PRKG1: variants seen among roughly 807,000 people sequenced by gnomAD.
PRKG1 encodes protein kinase cGMP-dependent 1.
PRKG1 carries 35 observed loss-of-function variants against 88.1 expected under a neutral mutation model. The observed-to-expected ratio is 0.40, with a 90% CI of 0.30 to 0.53. The LOEUF (loss-of-function observed/expected upper bound fraction) is 0.53. Ranked by LOEUF, PRKG1 falls within the 20% of genes least tolerant of loss-of-function variation. The pLI is 0.59. For synonymous variants in PRKG1, 303 were observed against 292.5 expected, an observed-to-expected ratio of 1.04 and a Z score of -0.37; for missense variants, 540 against 839.8, an observed-to-expected ratio of 0.64 and a Z score of 4.41.
chr10:52,287,656 T>C (rs1183887141), intron 14 of PRKG1, among the ~76,000 whole-genome samples: 3 of 149,324 alleles, frequency 2.0e-5, no homozygotes, highest in Non-Finnish European at 4.4e-5. Flanking sequence ...ATCTTTGTAC[T>C]CACTGAAGCT....
intron 3 of PRKG1, among the ~76,000 whole-genome samples, chr10:51,638,435 G>A (rs909421313): frequency 6.6e-6 from 1 of 152,062 alleles, no homozygotes; most frequent in African/African-American, 2.4e-5. Context: ...GCAATCACAA[G>A]GAAAGATATA....
intron 3 of PRKG1, among the ~76,000 whole-genome samples, chr10:51,481,620 T>TTTGAAATTTTAA: frequency 6.6e-6 from 1 of 152,218 alleles, no homozygotes; most frequent in South Asian, 2.1e-4. Context: ...TTTGGATTTA[T>TTTGAAATTTTAA]TTGAAATTTT....
chr10:51,085,789 T>C (rs994792411), intron 1 of PRKG1, among the ~76,000 whole-genome samples: 13 of 152,158 alleles, frequency 8.5e-5, no homozygotes, highest in African/African-American at 3.1e-4. Flanking sequence ...AATACCTAGC[T>C]TTATAAAAAT....
At chr10:51,508,555 T>A (rs10997859) in intron 3 of PRKG1, among the ~76,000 whole-genome samples, 30,892 of 150,140 alleles carry the variant, frequency 0.21, 3,635 homozygotes, top group Admixed American at 0.29. Context: ...TGACTTTTTT[T>A]AAAAAAAAAA....
intron 1 of PRKG1, among the ~76,000 whole-genome samples, chr10:51,123,547 G>A (rs527537378): frequency 4.3e-4 from 65 of 152,082 alleles, no homozygotes; most frequent in African/African-American, 1.3e-3. Context: ...TTAGCCAGGC[G>A]TGATGGTGGG....
intron 4 of PRKG1, among the ~76,000 whole-genome samples, chr10:51,865,948 A>G (rs565247821): frequency 2.0e-5 from 3 of 152,054 alleles, no homozygotes; most frequent in African/African-American, 7.2e-5. Context: ...TTGTATTGGA[A>G]TTTTTCAATA....
chr10:51,877,336 C>T (rs1841323753), intron 4 of PRKG1, among the ~76,000 whole-genome samples: 1 of 152,128 alleles, frequency 6.6e-6, no homozygotes, highest in African/African-American at 2.4e-5. Context: ...CAACTTTAAA[C>T]AACCCGATAA....
chr10:51,992,731 G>A (rs1284653171), intron 5 of PRKG1, among the ~76,000 whole-genome samples: 1 of 152,130 alleles, frequency 6.6e-6, no homozygotes, highest in Non-Finnish European at 1.5e-5. Flanking sequence ...GTCTCTGTGT[G>A]TATGTCTGCA....
At chr10:51,862,428 G>A (rs913817737) in intron 4 of PRKG1, among the ~76,000 whole-genome samples, 1 of 152,100 alleles carries the variant, frequency 6.6e-6, no homozygotes, top group African/African-American at 2.4e-5. Flanking sequence ...ACCACAGAGT[G>A]AGCCAGTCAG....
chr10:51,737,740 A>ATTTATTATTATT (rs765792966), intron 3 of PRKG1, among the ~76,000 whole-genome samples: 19 of 133,420 alleles, frequency 1.4e-4, no homozygotes, highest in Admixed American at 1.2e-3. Flanking sequence ...TTTATTTATT[A>ATTTATTATTATT]ATTATTATTA....
rs187036893 is a variant in PRKG1, at chr10:51,662,033, C to T, written c.593-142552C>T. On this transcript the variant is annotated intron_variant, in intron 3 of 17. Transcript: ENST00000373980. ...ATAGGTGGGAATTGAACAATGAGAA[C>T]ACTTGGATACAGAGCAGGGAACATC... is the stretch of plus-strand genomic sequence containing the variant. 2.1e-3 allele frequency among the ~76,000 whole-genome samples: 314 copies of T among 152,074 alleles called. 3 individuals carry two copies. The highest frequency in any genetic ancestry group is 0.015 in the East Asian group (75 of 5,166).
At chr10:52,152,539 C>T (rs77974014) in intron 8 of PRKG1, among the ~76,000 whole-genome samples, 3 of 151,986 alleles carry the variant, frequency 2.0e-5, no homozygotes, top group African/African-American at 7.2e-5. Flanking sequence ...TGAGAAAAAA[C>T]CATGAAAATC....
chr10:51,852,607 C>G (rs1157287011), intron 4 of PRKG1, among the ~76,000 whole-genome samples: 2 of 152,032 alleles, frequency 1.3e-5, no homozygotes, highest in Non-Finnish European at 2.9e-5. Flanking sequence ...CAAAGCCTGT[C>G]CTTGTTATTA....
intron 3 of PRKG1, among the ~76,000 whole-genome samples, chr10:51,680,019 C>T (rs540790165): frequency 6.6e-6 from 1 of 152,286 alleles, no homozygotes; most frequent in South Asian, 2.1e-4. Context: ...TACAACCTCC[C>T]CCTTCCACCA....
At chr10:51,481,630 T>C (rs72795124) in intron 3 of PRKG1, among the ~76,000 whole-genome samples, 15,651 of 152,232 alleles carry the variant, frequency 0.1, 902 homozygotes, top group Middle Eastern at 0.13. Context: ...TTTGAAATTT[T>C]AAATCCCAAG....
chr10:51,774,419 T>C (rs1480283886), intron 3 of PRKG1, among the ~76,000 whole-genome samples: 2 of 152,124 alleles, frequency 1.3e-5, no homozygotes, highest in Admixed American at 1.3e-4. Flanking sequence ...TTGTGAGCAA[T>C]TAAATTCTTA....
At chr10:51,580,052 C>T (rs1837992362) in intron 3 of PRKG1, among the ~76,000 whole-genome samples, 1 of 152,088 alleles carries the variant, frequency 6.6e-6, no homozygotes, top group African/African-American at 2.4e-5. Flanking sequence ...TTCTCATCCA[C>T]ATTCTCATAT....
At chr10:51,837,913 A>C (rs1247975714) in intron 4 of PRKG1, among the ~76,000 whole-genome samples, 1 of 152,052 alleles carries the variant, frequency 6.6e-6, no homozygotes, top group Non-Finnish European at 1.5e-5. Flanking sequence ...CAAACTTTTA[A>C]ATATTGGGCT....
chr10:51,513,752 T>C (rs1440331496), intron 3 of PRKG1, among the ~76,000 whole-genome samples: 2 of 90,636 alleles, frequency 2.2e-5, no homozygotes, highest in African/African-American at 8.8e-5. Context: ...GACTACTGGG[T>C]ACATAACGAA....
Sources: allele counts gnomAD v4.1 joint callset (sites outside exome capture counted in the v4.1 genomes callset), GRCh38; gene constraint gnomAD v4.1.1; transcripts MANE v1.5; gene names NCBI Gene and HGNC (gene_info 2026-07-23, HGNC 2026-07-21).